Variants in GOLT1B observed in about 807,000 individuals in gnomAD.
GOLT1B encodes the protein golgi transport 1B, also known as vesicle transport protein GOT1B.
GOLT1B carries 3 observed loss-of-function variants against 15.4 expected under a neutral mutation model. That is an observed-to-expected ratio of 0.19 (90% CI 0.09 to 0.50). GOLT1B has a LOEUF of 0.50. Among genes scored for constraint, GOLT1B ranks in the 20% least tolerant of loss-of-function variants. The pLI, the probability that GOLT1B is intolerant of heterozygous loss-of-function variation, is 0.97. For synonymous variants in GOLT1B, 65 were observed against 56.2 expected (o/e 1.16, Z -0.70); for missense variants, 145 against 160.4 (o/e 0.90, Z 0.52).
At chr12:21,502,374 G>A (rs985753012) in intron 1 of GOLT1B, among the ~76,000 whole-genome samples, 5 of 152,158 alleles carry the variant, frequency 3.3e-5, no homozygotes, top group Non-Finnish European at 7.4e-5. Context: ...TGGCTGGCTG[G>A]TTATTTGGGA....
intron 3 of GOLT1B, among the ~76,000 whole-genome samples, chr12:21,511,223 CAG>C (rs539454827): frequency 4.6e-5 from 7 of 152,110 alleles, no homozygotes; most frequent in South Asian, 4.1e-4. Context: ...GAGAGGCTCA[CAG>C]AGCTCAAGGA....
intron 3 of GOLT1B, among the ~76,000 whole-genome samples, chr12:21,511,257 A>G (rs1943717237): frequency 6.6e-6 from 1 of 152,168 alleles, no homozygotes; most frequent in African/African-American, 2.4e-5. Context: ...TTACTAGTTT[A>G]TTATAAAGGA....
chr12:21,509,396 C>CAA (rs71053318), intron 3 of GOLT1B, among the ~76,000 whole-genome samples: 3 of 74,040 alleles, frequency 4.1e-5, no homozygotes, highest in African/African-American at 5.6e-5. Context: ...GACTCTGTCT[C>CAA]AAAAAAAAAA....
At chr12:21,509,676 G>A (rs1415867273) in intron 3 of GOLT1B, among the ~76,000 whole-genome samples, 1 of 152,136 alleles carries the variant, frequency 6.6e-6, no homozygotes, top group Admixed American at 6.5e-5. Context: ...TAAAAAATTA[G>A]TAAATTCAAG....
intron 1 of GOLT1B, among the ~76,000 whole-genome samples, chr12:21,506,290 A>T (rs1189918373): frequency 6.6e-6 from 1 of 152,120 alleles, no homozygotes; most frequent in African/African-American, 2.4e-5. Context: ...ATTAAAAGTG[A>T]TGCCTGACCT....
Position 21,514,592 on chromosome 12 carries a change from T to G in GOLT1B, c.379-1077T>G, listed in dbSNP as rs541828036. On this transcript the variant is annotated intron_variant, in intron 4 of 4. Transcript: ENST00000229314. Reference sequence around the variant, plus strand: ...CTTTTAGTTTCAGTGGCCAGCCACCTGTTTGTGATAATATAACAAAATGTT... The same window carrying G: ...CTTTTAGTTTCAGTGGCCAGCCACCGGTTTGTGATAATATAACAAAATGTT... Among the ~76,000 whole-genome samples, 279 of 152,344 alleles carry G rather than the reference T, an allele frequency of 1.8e-3. 1 individual carries two copies. The highest frequency in any genetic ancestry group is 2.9e-3 in the Non-Finnish European group (197 of 68,010).
In GOLT1B at chr12:21,512,409, A is replaced by T. The variant is rs1250663635; in HGVS notation, c.378+33A>T. 3.1e-6 allele frequency: 3 copies of T among 978,036 alleles called. No individual in the cohort carries two copies. The African/African-American group carries it at 4.9e-5, about 16-fold the overall frequency. The allele number at this position is 978,036 out of a possible 1,614,324, so 60.6% of individuals were successfully genotyped here. On this transcript the variant is annotated intron_variant, in intron 4 of 4. Transcript: ENST00000229314. ...ATCATGTATATTTTAGGCCAACAAA[A>T]TACGTATTTTGATGCTTTTTACTTC... is the stretch of plus-strand genomic sequence containing the variant.
intron 2 of GOLT1B, among the ~76,000 whole-genome samples, chr12:21,507,479 AAAT>A (rs1330059844): frequency 4.0e-5 from 6 of 151,758 alleles, no homozygotes; most frequent in African/African-American, 1.2e-4. Flanking sequence ...ATCCAGAAAT[AAAT>A]AATAACCCTT....
chr12:21,517,447 A>T lies in GOLT1B; in HGVS notation c.*1740A>T, dbSNP rs1943764334. 2 of 152,376 alleles carry T rather than the reference A, an allele frequency of 1.3e-5. No individual in the cohort carries two copies. Among genetic ancestry groups the T allele is most frequent in the Admixed American group, 1.3e-4 (2 of 15,276 alleles). The allele number at this position is 152,376 out of a possible 1,614,324, so 9.4% of individuals were successfully genotyped here. ...AGAGTGTCAAATACATACTTTGAGG[A>T]TTGACTTTATATAAGGTGCCCTGTA... On this transcript the variant is annotated 3_prime_UTR_variant, in exon 5 of 5. Coordinates refer to ENST00000229314, the MANE Select transcript of GOLT1B (RefSeq NM_016072.5).
chr12:21,514,072 T>C (rs765257111), intron 4 of GOLT1B, among the ~76,000 whole-genome samples: 1 of 152,172 alleles, frequency 6.6e-6, no homozygotes, highest in Non-Finnish European at 1.5e-5. Context: ...CTAAACAAAA[T>C]CCTTAATTTC....
chr12:21,510,191 T>C (rs1001418717), intron 3 of GOLT1B, among the ~76,000 whole-genome samples: 5 of 152,142 alleles, frequency 3.3e-5, no homozygotes, highest in Non-Finnish European at 7.4e-5. Context: ...TTTGACATTT[T>C]AGGGTAGGTG....
chr12:21,517,099 A>G lies in GOLT1B; in HGVS notation c.*1392A>G, dbSNP rs1423787801. ...TAACAGTTGCAAAGCTTTTTAATGC[A>G]TAAAAGTATAATTGAAATCTGTGGT... On this transcript the variant is annotated 3_prime_UTR_variant, in exon 5 of 5. Coordinates refer to ENST00000229314, the MANE Select transcript of GOLT1B (RefSeq NM_016072.5). 1.3e-5 allele frequency: 2 copies of G among 152,462 alleles called. No homozygotes were observed. The highest frequency in any genetic ancestry group is 2.9e-5 in the Non-Finnish European group (2 of 67,900). The allele number at this position is 152,462 out of a possible 1,614,324, so 9.4% of individuals were successfully genotyped here. A position where few individuals can be genotyped will look rare whatever the true frequency, so the allele number is the denominator to read the frequency against.
chr12:21,508,761 A>T (rs1164979598), intron 3 of GOLT1B, among the ~76,000 whole-genome samples, 200 bp downstream of exon 3: 1 of 152,234 alleles, frequency 6.6e-6, no homozygotes, highest in African/African-American at 2.4e-5. Context: ...GGTATAAATT[A>T]TCTTGTTTTG....
At chr12:21,510,780 C>T (rs937165168) in intron 3 of GOLT1B, among the ~76,000 whole-genome samples, 1 of 152,168 alleles carries the variant, frequency 6.6e-6, no homozygotes, top group African/African-American at 2.4e-5. Context: ...AAAAATTCTG[C>T]TTTCTGTTTA....
At chr12:21,515,263 C>G in intron 4 of GOLT1B, 1 of 1,439,808 alleles carries the variant, frequency 6.9e-7, no homozygotes, top group Non-Finnish European at 9.4e-7. Context: ...AAGAGATCCA[C>G]AGTAATGGTC....
intron 2 of GOLT1B, chr12:21,508,130 G>A: frequency 2.2e-6 from 1 of 446,196 alleles, no homozygotes; most frequent in African/African-American, 2.0e-5. Flanking sequence ...ATCTTTCTTT[G>A]TTTCTCTTTT....
At chr12:21,509,849 T>C (rs1309689152) in intron 3 of GOLT1B, among the ~76,000 whole-genome samples, 1 of 152,180 alleles carries the variant, frequency 6.6e-6, no homozygotes, top group Admixed American at 6.5e-5. Flanking sequence ...AACAGGAGCA[T>C]GTGATCAGTT....
In GOLT1B at chr12:21,516,135, C is replaced by G. The variant is rs535700571; in HGVS notation, c.*428C>G. On this transcript the variant is annotated 3_prime_UTR_variant, in exon 5 of 5. Coordinates refer to ENST00000229314, the MANE Select transcript of GOLT1B (RefSeq NM_016072.5). ...AAAAATATTTCCAGTTGCACTGTAT[C>G]TCTGGAAGTGATGCATGAATTCGAT... is the stretch of plus-strand genomic sequence containing the variant. 7 of 154,170 alleles carry G rather than the reference C, an allele frequency of 4.5e-5. No individual in the cohort carries two copies. The highest frequency in any genetic ancestry group is 1.7e-4 in the African/African-American group (7 of 41,646). 9.6% of individuals were successfully genotyped at this position (154,170 alleles called of 1,614,324 possible). A position where few individuals can be genotyped will look rare whatever the true frequency, so the allele number is the denominator to read the frequency against.
intron 1 of GOLT1B, among the ~76,000 whole-genome samples, chr12:21,506,431 G>A (rs1943679079): frequency 6.6e-6 from 1 of 151,948 alleles, no homozygotes; most frequent in Non-Finnish European, 1.5e-5. Context: ...TTCTAATGCA[G>A]TAAAGAAGGA....
Sources: allele counts gnomAD v4.1 joint callset (sites outside exome capture counted in the v4.1 genomes callset), GRCh38; gene constraint gnomAD v4.1.1; transcripts MANE v1.5; gene names NCBI Gene and HGNC (gene_info 2026-07-23, HGNC 2026-07-21).